CADM2: variants seen among roughly 807,000 people sequenced by gnomAD.
CADM2 encodes immunoglobulin superfamily member 4D.
CADM2 carries 12 observed loss-of-function variants against 49.8 expected under a neutral mutation model. That is an observed-to-expected ratio of 0.24 (90% confidence interval 0.15 to 0.39). The LOEUF is 0.39. Among genes scored for constraint, CADM2 ranks in the 10% least tolerant of loss-of-function variants. The probability of loss-of-function intolerance (pLI) is 1.00; values close to 1 mark genes in which losing one functional copy is unlikely to be tolerated. For missense variants in CADM2, 378 were observed against 492.3 expected (o/e 0.77, Z 2.20); for synonymous variants, 214 against 175.4 (o/e 1.22, Z -1.74).
chr3:85,941,545 A>G (rs1225044155), intron 7 of CADM2, among the ~76,000 whole-genome samples: 3 of 152,070 alleles, frequency 2.0e-5, no homozygotes, highest in Non-Finnish European at 4.4e-5. Context: ...AGTTGGGGTA[A>G]AATCCAAAAT....
chr3:85,225,691 G>C (rs1238662139), intron 1 of CADM2, among the ~76,000 whole-genome samples: 1 of 152,150 alleles, frequency 6.6e-6, no homozygotes, highest in African/African-American at 2.4e-5. Flanking sequence ...TTTTCAAAGG[G>C]AATGCTTTCA....
intron 1 of CADM2, among the ~76,000 whole-genome samples, chr3:85,238,797 G>T (rs887342973): frequency 1.8e-4 from 27 of 151,790 alleles, no homozygotes; most frequent in African/African-American, 6.3e-4. Context: ...TTACTTTGCA[G>T]AATTGTGATA....
chr3:85,296,700 C>G (rs1444659577), intron 1 of CADM2, among the ~76,000 whole-genome samples: 2 of 152,018 alleles, frequency 1.3e-5, no homozygotes, highest in Non-Finnish European at 2.9e-5. Context: ...TCATTATTCC[C>G]TTTTATTTCT....
intron 3 of CADM2, among the ~76,000 whole-genome samples, chr3:85,876,416 A>T (rs1711845282): frequency 6.6e-6 from 1 of 152,184 alleles, no homozygotes; most frequent in Non-Finnish European, 1.5e-5. Context: ...ATAAATTACT[A>T]ATGGGTATTG....
Position 85,210,162 on chromosome 3 carries a change from A to G in CADM2, c.61+250494A>G, listed in dbSNP as rs1033027508. On this transcript the variant is annotated intron_variant, in intron 1 of 9. Coordinates refer to ENST00000383699, the MANE Select transcript of CADM2 (RefSeq NM_001167675.2). ...TTTCGAGGTATGTTCCTACTAGTCC[A>G]GTTTCTTAAGAGTTTTTATCATGAA... 3.9e-5 allele frequency among the ~76,000 whole-genome samples: 6 copies of G among 152,182 alleles called. No individual in the cohort carries two copies. The South Asian group carries it at 8.3e-4, about 21-fold the overall frequency.
chr3:85,675,101 T>TTAAC lies in CADM2; in HGVS notation c.62-51419_62-51416dup, dbSNP rs370676415. On this transcript the variant is annotated intron_variant, in intron 1 of 9. Transcript: ENST00000383699. ...TTATGCTCATTGATTTACTTCAGTC[T>TTAAC]TAACTCCAGCTATTACTAAAATAAT... is the stretch of plus-strand genomic sequence containing the variant. Among the ~76,000 whole-genome samples, 233 of 152,280 alleles carry TTAAC rather than the reference T, an allele frequency of 1.5e-3. 2 individuals carry two copies. The highest frequency in any genetic ancestry group is 5.3e-3 in the African/African-American group (222 of 41,576).
intron 1 of CADM2, among the ~76,000 whole-genome samples, chr3:85,667,949 C>T (rs960422125): frequency 2.6e-5 from 4 of 152,002 alleles, no homozygotes; most frequent in African/African-American, 9.7e-5. Context: ...TAAATGCCAG[C>T]TCTTACTATC....
chr3:85,642,451 T>A (rs1024120664), intron 1 of CADM2, among the ~76,000 whole-genome samples: 1 of 152,012 alleles, frequency 6.6e-6, no homozygotes, highest in Non-Finnish European at 1.5e-5. Flanking sequence ...ATTAACCTCA[T>A]AGCAAGGAGG....
intron 7 of CADM2, among the ~76,000 whole-genome samples, chr3:85,954,014 T>C (rs1157178998): frequency 1.3e-5 from 2 of 150,992 alleles, no homozygotes; most frequent in Non-Finnish European, 3.0e-5. Flanking sequence ...ATGTTTCATT[T>C]ATTATATTTT....
intron 1 of CADM2, among the ~76,000 whole-genome samples, chr3:85,321,168 C>T (rs538755080): frequency 0.035 from 1,317 of 37,688 alleles, 67 homozygotes; most frequent in African/African-American, 0.093. Context: ...TTTTTTTTTG[C>T]GAGAGAGAGA....
At chr3:85,272,589 C>T (rs544649811) in intron 1 of CADM2, among the ~76,000 whole-genome samples, 1 of 151,342 alleles carries the variant, frequency 6.6e-6, no homozygotes, top group Admixed American at 6.6e-5. Context: ...TAATTATGCA[C>T]AGATACAAAT....
chr3:85,889,988 G>A (rs1387689322), intron 5 of CADM2, among the ~76,000 whole-genome samples: 1 of 152,058 alleles, frequency 6.6e-6, no homozygotes, highest in African/African-American at 2.4e-5. Flanking sequence ...TGTTTATTGA[G>A]TAAATGTGTC....
chr3:86,018,038 C>T (rs1732552978), intron 8 of CADM2, among the ~76,000 whole-genome samples: 1 of 113,034 alleles, frequency 8.8e-6, no homozygotes, highest in African/African-American at 3.3e-5. Flanking sequence ...TCCCCCCACC[C>T]CACAACAGTC....
intron 6 of CADM2, among the ~76,000 whole-genome samples, chr3:85,931,410 T>C (rs1720573200): frequency 6.6e-6 from 1 of 151,848 alleles, no homozygotes; most frequent in South Asian, 2.1e-4. Context: ...ACCCCTGCAA[T>C]CCAGCCTCGG....
intron 1 of CADM2, among the ~76,000 whole-genome samples, chr3:85,433,139 TC>T (rs1176791554): frequency 2.2e-5 from 1 of 46,128 alleles, no homozygotes; most frequent in African/African-American, 4.5e-5. Flanking sequence ...TTCTGAGTCC[TC>T]TTTTTTTTTC....
chr3:85,315,336 A>G (rs2044439900), intron 1 of CADM2, among the ~76,000 whole-genome samples: 1 of 152,208 alleles, frequency 6.6e-6, no homozygotes, highest in Non-Finnish European at 1.5e-5. Context: ...TGACGAATAT[A>G]TGTTATGACT....
At chr3:85,099,563 G>A (rs1052748316) in intron 1 of CADM2, among the ~76,000 whole-genome samples, 16 of 151,150 alleles carry the variant, frequency 1.1e-4, no homozygotes, top group African/African-American at 2.9e-4. Context: ...TCCATCTCTC[G>A]GGTTCAAGCA....
At chr3:85,706,178 G>A (rs2066943899) in intron 1 of CADM2, among the ~76,000 whole-genome samples, 1 of 152,076 alleles carries the variant, frequency 6.6e-6, no homozygotes, top group Non-Finnish European at 1.5e-5. Context: ...ACCAGCTGTT[G>A]ATGTTTTTGA....
At chr3:85,534,922 A>G (rs1397037107) in intron 1 of CADM2, among the ~76,000 whole-genome samples, 1 of 152,170 alleles carries the variant, frequency 6.6e-6, no homozygotes, top group Non-Finnish European at 1.5e-5. Context: ...CATAATCTCT[A>G]TAAATTTTGG....
Sources: allele counts gnomAD v4.1 joint callset (sites outside exome capture counted in the v4.1 genomes callset), GRCh38; gene constraint gnomAD v4.1.1; transcripts MANE v1.5; gene names NCBI Gene and HGNC (gene_info 2026-07-23, HGNC 2026-07-21).